The following KIAA1217 variants were observed in gnomAD, a reference collection of about 807,000 sequenced individuals.
The protein encoded by KIAA1217 is sickle tail protein homolog.
Under a neutral mutation model 163.9 loss-of-function variants are expected in KIAA1217, and 88 were observed. The observed-to-expected ratio is 0.54, with a 90% CI of 0.45 to 0.64. The LOEUF is 0.64. Among genes scored for constraint, KIAA1217 ranks in the 30% least tolerant of loss-of-function variants. The probability of loss-of-function intolerance (pLI) is 0.00; values close to 1 mark genes in which losing one functional copy is unlikely to be tolerated. For missense variants in KIAA1217, 2,372 were observed against 2,475.0 expected (o/e 0.96, Z 0.88); for synonymous variants, 903 against 923.1 (o/e 0.98, Z 0.39).
intron 1 of KIAA1217, among the ~76,000 whole-genome samples, chr10:23,944,382 C>T (rs1225298108): frequency 6.6e-6 from 1 of 151,888 alleles, no homozygotes; most frequent in African/African-American, 2.4e-5. Flanking sequence ...CGAGATGGCA[C>T]CACTGCATTC....
chr10:23,709,232 A>G (rs544178960), intron 1 of KIAA1217, among the ~76,000 whole-genome samples: 2 of 152,276 alleles, frequency 1.3e-5, no homozygotes, highest in Admixed American at 1.3e-4. Context: ...TCCAAGAAAT[A>G]AAAACTTTCA....
intron 3 of KIAA1217, among the ~76,000 whole-genome samples, chr10:24,404,170 G>A (rs999494010): frequency 1.3e-5 from 2 of 152,148 alleles, no homozygotes; most frequent in Non-Finnish European, 1.5e-5. Context: ...TGCTACGCAG[G>A]CTGGTCTCGA....
intron 3 of KIAA1217, among the ~76,000 whole-genome samples, chr10:24,432,126 T>C (rs2059649983): frequency 6.7e-6 from 1 of 149,580 alleles, no homozygotes. Flanking sequence ...TCCTTTTTTT[T>C]TTTTTTTTTT....
intron 2 of KIAA1217, among the ~76,000 whole-genome samples, chr10:24,286,982 C>T (rs1206605810): frequency 1.3e-5 from 2 of 152,124 alleles, no homozygotes; most frequent in African/African-American, 2.4e-5. Flanking sequence ...TCAGTTCTTG[C>T]TTATGGATTT....
chr10:24,368,568 T>A (rs920274829), intron 2 of KIAA1217, among the ~76,000 whole-genome samples: 1 of 152,198 alleles, frequency 6.6e-6, no homozygotes, highest in African/African-American at 2.4e-5. Context: ...AGAGATGGAA[T>A]AGGATGAAGG....
intron 2 of KIAA1217, among the ~76,000 whole-genome samples, chr10:24,334,326 G>A (rs1591053401): frequency 6.6e-6 from 1 of 151,896 alleles, no homozygotes; most frequent in East Asian, 1.9e-4. Flanking sequence ...GATTGCTTAA[G>A]CCCAGGATTT....
chr10:24,405,606 G>A (rs561987893), intron 3 of KIAA1217, among the ~76,000 whole-genome samples: 1 of 152,272 alleles, frequency 6.6e-6, no homozygotes, highest in African/African-American at 2.4e-5. Flanking sequence ...AGGCAGAATG[G>A]TATCTAAACC....
At chr10:23,776,220 G>T (rs1436458192) in intron 1 of KIAA1217, among the ~76,000 whole-genome samples, 2 of 152,102 alleles carry the variant, frequency 1.3e-5, no homozygotes, top group African/African-American at 4.8e-5. Flanking sequence ...ACCAAAGGAT[G>T]AGTCTGATCC....
At chr10:23,919,561 G>A (rs1842769269) in intron 1 of KIAA1217, among the ~76,000 whole-genome samples, 1 of 134,822 alleles carries the variant, frequency 7.4e-6, no homozygotes, top group Admixed American at 8.3e-5. Context: ...GGTCGATATT[G>A]TGCCACTGCA....
chr10:24,371,264 G>A (rs1396229409), intron 2 of KIAA1217, among the ~76,000 whole-genome samples: 1 of 152,132 alleles, frequency 6.6e-6, no homozygotes. Flanking sequence ...TGTCTCCTCT[G>A]CAAGGCAACA....
At chr10:24,232,641 C>G (rs1159537124) in intron 2 of KIAA1217, among the ~76,000 whole-genome samples, 1 of 152,110 alleles carries the variant, frequency 6.6e-6, no homozygotes, top group Non-Finnish European at 1.5e-5. Flanking sequence ...CAATGTGATT[C>G]AGTCCAGTGC....
intron 1 of KIAA1217, among the ~76,000 whole-genome samples, chr10:23,768,155 G>A (rs1834625200): frequency 6.6e-6 from 1 of 152,218 alleles, no homozygotes. Context: ...TGCTGCAAGA[G>A]CTGGCCAATA....
chr10:24,010,411 T>G (rs1285304412), intron 2 of KIAA1217, among the ~76,000 whole-genome samples: 4 of 152,158 alleles, frequency 2.6e-5, no homozygotes, highest in Non-Finnish European at 5.9e-5. Context: ...TCAACCCATC[T>G]CTTCCTGCTG....
At chr10:24,248,238 T>G (rs1403954404) in intron 2 of KIAA1217, among the ~76,000 whole-genome samples, 1 of 152,242 alleles carries the variant, frequency 6.6e-6, no homozygotes, top group Non-Finnish European at 1.5e-5. Context: ...AAACAAATGC[T>G]GTTTTGGGTC....
At chr10:24,342,460 A>C (rs1193561943) in intron 2 of KIAA1217, among the ~76,000 whole-genome samples, 1 of 152,156 alleles carries the variant, frequency 6.6e-6, no homozygotes, top group Middle Eastern at 3.2e-3. Flanking sequence ...TCCTTTCTAA[A>C]ATTAACCATT....
At chr10:23,776,306 T>A in intron 1 of KIAA1217, among the ~76,000 whole-genome samples, 1 of 150,288 alleles carries the variant, frequency 6.7e-6, no homozygotes, top group South Asian at 2.1e-4. Flanking sequence ...ATTTAGTCAA[T>A]GTTAAATAAA....
intron 1 of KIAA1217, among the ~76,000 whole-genome samples, chr10:23,967,042 A>G (rs1474367090): frequency 2.6e-5 from 4 of 151,762 alleles, no homozygotes; most frequent in Admixed American, 2.6e-4. Context: ...ATAAATAAAT[A>G]AAGAATTATT....
intron 1 of KIAA1217, among the ~76,000 whole-genome samples, chr10:23,810,621 G>A (rs1398179967): frequency 7.9e-6 from 1 of 126,680 alleles, no homozygotes; most frequent in African/African-American, 3.1e-5. Flanking sequence ...TAAATATATA[G>A]TGTCTTATAT....
intron 1 of KIAA1217, among the ~76,000 whole-genome samples, chr10:23,931,399 C>G (rs758440557): frequency 6.6e-6 from 1 of 152,146 alleles, no homozygotes; most frequent in Non-Finnish European, 1.5e-5. Flanking sequence ...GCCCTTCACC[C>G]CTGTACCTAA....
Sources: gnomAD v4.1 joint callset for allele counts (sites outside exome capture counted in the v4.1 genomes callset) on GRCh38, gnomAD v4.1.1 for gene constraint, MANE v1.5 for transcripts, NCBI Gene and HGNC (gene_info 2026-07-23, HGNC 2026-07-21) for gene names.